EGF: variants seen among roughly 807,000 people sequenced by gnomAD.
The protein encoded by EGF is pro-epidermal growth factor.
A neutral mutation model predicts 143.8 loss-of-function variants in EGF; 95 were observed. That is an observed-to-expected ratio of 0.66 (90% CI 0.56 to 0.78). EGF has a LOEUF of 0.78. Among genes scored for constraint, EGF ranks in the 30% least tolerant of loss-of-function variants. The pLI is 0.00. For missense variants in EGF, 1,320 were observed against 1,470.9 expected (o/e 0.90, Z 1.68); for synonymous variants, 510 against 510.5 (o/e 1.00, Z 0.01).
At chr4:109,953,919 T>G (rs1040580751) in intron 5 of EGF, among the ~76,000 whole-genome samples, 1 of 152,252 alleles carries the variant, frequency 6.6e-6, no homozygotes, top group East Asian at 1.9e-4. Context: ...GGATACATAA[T>G]AGTTGTACAT....
intron 18 of EGF, among the ~76,000 whole-genome samples, chr4:109,992,170 T>TAAAAAAAAAAAAAAAAA (rs58841408): frequency 1.5e-5 from 1 of 65,634 alleles, no homozygotes; most frequent in East Asian, 1.2e-3. Flanking sequence ...CAAGATTCTT[T>TAAAAAAAAAAAAAAAAA]AAAAAAAAAA....
In EGF at chr4:109,967,774, C is replaced by T. The variant is rs11568971; in HGVS notation, c.1576-1197C>T. Among the ~76,000 whole-genome samples, 3 of 152,156 alleles carry T rather than the reference C, an allele frequency of 2.0e-5. No homozygotes were observed. The East Asian group carries it at 5.8e-4, about 29-fold the overall frequency. On this transcript the variant is annotated intron_variant, in intron 10 of 23. Transcript: ENST00000265171. ...ATTACAGTCATGCATCACTAATGGT[C>T]TAGCTTCTTGCTCCTAGGCTACAAA... is the stretch of plus-strand genomic sequence containing the variant.
At chr4:109,941,422 A>T (rs1741908259) in intron 2 of EGF, among the ~76,000 whole-genome samples, 1 of 152,176 alleles carries the variant, frequency 6.6e-6, no homozygotes, top group South Asian at 2.1e-4. Context: ...TATGATTAAG[A>T]TAGATTATTT....
intron 21 of EGF, among the ~76,000 whole-genome samples, chr4:110,003,069 G>A (rs143583605): frequency 0.01 from 1,532 of 152,254 alleles, 23 homozygotes; most frequent in African/African-American, 0.035. Flanking sequence ...TGTCATTGAT[G>A]GGCATTTAGG....
intron 20 of EGF, among the ~76,000 whole-genome samples, chr4:109,997,577 T>G (rs543237282): frequency 1.3e-5 from 2 of 152,024 alleles, no homozygotes; most frequent in East Asian, 3.9e-4. Context: ...TTCTCCTGCC[T>G]CAGCCTCCAG....
rs144538267 is a variant in EGF at position 109,963,015 on chromosome 4, C to T, written c.1313-158C>T. ...TTGGGAGGCGGAGGTTGCAATGAGCCGAGAGTGCCATTGCACTCCAGCCTG... is the reference window on the plus strand; with the variant it reads ...TTGGGAGGCGGAGGTTGCAATGAGCTGAGAGTGCCATTGCACTCCAGCCTG... On this transcript the variant is annotated intron_variant, in intron 8 of 23. Coordinates refer to ENST00000265171, the MANE Select transcript of EGF (RefSeq NM_001963.6). Among the ~76,000 whole-genome samples, 142 of 149,306 alleles carry T rather than the reference C, an allele frequency of 9.5e-4. 3 individuals are homozygous for T. The highest frequency in any genetic ancestry group is 3.4e-3 in the African/African-American group (139 of 40,406).
At chr4:110,011,156 A>G (rs2126206149) in intron 23 of EGF, 46 bp from the exon 24 acceptor site, 1 of 1,607,468 alleles carries the variant, frequency 6.2e-7, no homozygotes, top group Non-Finnish European at 8.5e-7. Context: ...TTGCCTATCT[A>G]TTGTTAATGA....
intron 5 of EGF, 96 bp from the exon 6 acceptor site, chr4:109,959,216 G>C (rs1268776653): frequency 1.1e-5 from 17 of 1,574,322 alleles, no homozygotes; most frequent in Non-Finnish European, 1.4e-5. Flanking sequence ...TGTAGACGTT[G>C]TAGGGAGGTA....
chr4:109,993,962 C>T (rs1307232783), intron 19 of EGF, among the ~76,000 whole-genome samples: 1 of 151,736 alleles, frequency 6.6e-6, no homozygotes, highest in Non-Finnish European at 1.5e-5. Flanking sequence ...TCACTGCCCA[C>T]TTTTTGCCTG....
At chr4:109,939,505 C>T (rs1431726346) in intron 1 of EGF, among the ~76,000 whole-genome samples, 1 of 152,242 alleles carries the variant, frequency 6.6e-6, no homozygotes, top group Non-Finnish European at 1.5e-5. Context: ...CCACATGAGG[C>T]AACACCCCAC....
intron 18 of EGF, 40 bp downstream of exon 18, chr4:109,988,749 GC>G (rs751258062): frequency 8.1e-6 from 13 of 1,612,408 alleles, no homozygotes; most frequent in Non-Finnish European, 1.1e-5. Context: ...GCAGAGGCAG[GC>G]CTCAGAAATC....
intron 1 of EGF, among the ~76,000 whole-genome samples, chr4:109,933,425 T>A (rs201087240): frequency 1.4e-5 from 1 of 69,420 alleles, no homozygotes; most frequent in Non-Finnish European, 3.8e-5. Context: ...CTTTTTTTTC[T>A]TTTTTTTTTT....
intron 1 of EGF, among the ~76,000 whole-genome samples, chr4:109,934,190 T>C (rs1411338114): frequency 6.6e-6 from 1 of 152,236 alleles, no homozygotes. Context: ...TGAGCATTTT[T>C]TCATGTGTCT....
At chr4:110,000,666 A>T (rs1025389602) in intron 21 of EGF, among the ~76,000 whole-genome samples, 1 of 152,246 alleles carries the variant, frequency 6.6e-6, no homozygotes, top group Non-Finnish European at 1.5e-5. Context: ...AACTAACACT[A>T]CATTAGGGTG....
chr4:109,942,756 A>G (rs905394321), intron 2 of EGF, among the ~76,000 whole-genome samples: 2 of 152,206 alleles, frequency 1.3e-5, no homozygotes, highest in Admixed American at 1.3e-4. Flanking sequence ...TATAGAAAGG[A>G]AGGGGCCTAT....
chr4:110,001,912 G>C (rs1360169818), intron 21 of EGF: 1 of 985,214 alleles, frequency 1.0e-6, no homozygotes, highest in African/African-American at 1.7e-5. Flanking sequence ...TAACAATTCT[G>C]ATCAGTGTAC....
At chr4:109,931,854 ATG>A (rs1430739763) in intron 1 of EGF, among the ~76,000 whole-genome samples, 4 of 152,228 alleles carry the variant, frequency 2.6e-5, no homozygotes, top group Non-Finnish European at 4.4e-5. Context: ...TCTGTATGCT[ATG>A]ATTAGCCCTT....
chr4:109,983,486 A>G lies in EGF; in HGVS notation c.2436A>G (p.Ser812=). 3 of 1,613,878 alleles carry G rather than the reference A, an allele frequency of 1.9e-6. No individual in the cohort carries two copies. The highest frequency in any genetic ancestry group is 2.5e-6 in the Non-Finnish European group (3 of 1,179,850). Residue 812 remains serine (S), a synonymous_variant, in exon 16 of 24, where the codon TCA becomes TCG. Coordinates refer to ENST00000265171, the MANE Select transcript of EGF (RefSeq NM_001963.6). Reference sequence around the variant, plus strand: ...ACATCTTGTCCAAGACTAGAGTGTCAGAAGATAACATTACAGAATCTCAAC... The same window carrying G: ...ACATCTTGTCCAAGACTAGAGTGTCGGAAGATAACATTACAGAATCTCAAC... ...PLDILSKTRV[S]EDNITESQHM... is the part of the protein sequence containing the mutation.
At chr4:109,937,572 C>G (rs751521413) in intron 1 of EGF, among the ~76,000 whole-genome samples, 13 of 151,916 alleles carry the variant, frequency 8.6e-5, no homozygotes, top group Non-Finnish European at 1.6e-4. Context: ...GAATTTGATC[C>G]TGTCATTATG....
Sources: gnomAD v4.1 joint callset for allele counts (sites outside exome capture counted in the v4.1 genomes callset) on GRCh38, gnomAD v4.1.1 for gene constraint, MANE v1.5 for transcripts, NCBI Gene and HGNC (gene_info 2026-07-23, HGNC 2026-07-21) for gene names.